The following CNTNAP2 variants were observed in gnomAD, a reference collection of about 807,000 sequenced individuals.
The protein encoded by CNTNAP2 is contactin-associated protein-like 2.
CNTNAP2 carries 98 observed loss-of-function variants against 155.2 expected under a neutral mutation model. The ratio of observed to expected loss-of-function variants is 0.63; its 90% CI spans 0.54 to 0.75. The LOEUF (loss-of-function observed/expected upper bound fraction) is 0.75, where lower values mean the gene tolerates loss of function less well. Among genes scored for constraint, CNTNAP2 ranks in the 30% least tolerant of loss-of-function variants. The pLI, the probability that CNTNAP2 is intolerant of heterozygous loss-of-function variation, is 0.00. For synonymous variants in CNTNAP2, 651 were observed against 631.2 expected, an observed-to-expected ratio of 1.03 and a Z score of -0.47; for missense variants, 1,727 against 1,688.1, an observed-to-expected ratio of 1.02 and a Z score of -0.40.
At chr7:148,109,317 A>G (rs571824447) in intron 15 of CNTNAP2, among the ~76,000 whole-genome samples, 3 of 152,270 alleles carry the variant, frequency 2.0e-5, no homozygotes, top group South Asian at 2.1e-4. Flanking sequence ...TCACCACCCA[A>G]TAAGAGATGC....
chr7:146,875,954 A>C (rs1387621463), intron 3 of CNTNAP2, among the ~76,000 whole-genome samples: 13 of 147,162 alleles, frequency 8.8e-5, no homozygotes, highest in Admixed American at 1.4e-4. Flanking sequence ...AAAAAAAAAA[A>C]AAAAAAACAA....
intron 3 of CNTNAP2, among the ~76,000 whole-genome samples, chr7:146,857,175 T>A (rs1278897140): frequency 1.3e-5 from 2 of 151,240 alleles, no homozygotes; most frequent in African/African-American, 4.9e-5. Context: ...GAAAAAATAA[T>A]GTGTGTGTTG....
In CNTNAP2 at chr7:147,537,091, A is replaced by G. The variant is rs142230366; in HGVS notation, c.1778-25047A>G. Among the ~76,000 whole-genome samples the G allele has an allele frequency of 2.4e-3, 364 of 152,300 alleles. 3 individuals are homozygous for G. Among genetic ancestry groups the G allele is most frequent in the African/African-American group, 8.3e-3 (345 of 41,566 alleles). On this transcript the variant is annotated intron_variant, in intron 11 of 23. Coordinates refer to ENST00000361727, the MANE Select transcript of CNTNAP2 (RefSeq NM_014141.6). Reference sequence around the variant, plus strand: ...TACCTCCTTTGTCTAATCTTTCACAATACACTTTAGCACGTTACAGATTCC... The same window carrying G: ...TACCTCCTTTGTCTAATCTTTCACAGTACACTTTAGCACGTTACAGATTCC...
intron 1 of CNTNAP2, among the ~76,000 whole-genome samples, chr7:146,596,581 A>G (rs1798861631): frequency 7.1e-6 from 1 of 141,492 alleles, no homozygotes; most frequent in African/African-American, 2.6e-5. Flanking sequence ...AGAAAGAGAG[A>G]GATAGAAGGG....
At chr7:146,365,603 C>T (rs1795143668) in intron 1 of CNTNAP2, among the ~76,000 whole-genome samples, 1 of 152,100 alleles carries the variant, frequency 6.6e-6, no homozygotes, top group Admixed American at 6.6e-5. Flanking sequence ...AACTACTTGT[C>T]TAGGTTTGTG....
chr7:146,231,302 T>C (rs1338126547), intron 1 of CNTNAP2, among the ~76,000 whole-genome samples: 2 of 152,188 alleles, frequency 1.3e-5, no homozygotes, highest in East Asian at 1.9e-4. Context: ...ATAGTGGTAC[T>C]CTTGGCCACA....
chr7:147,499,453 C>A (rs575808274), intron 11 of CNTNAP2, among the ~76,000 whole-genome samples: 4 of 152,012 alleles, frequency 2.6e-5, no homozygotes, highest in Admixed American at 2.6e-4. Flanking sequence ...GGCCTGAACC[C>A]GGGAGGCAGA....
chr7:147,798,850 A>G (rs1797943504), intron 13 of CNTNAP2, among the ~76,000 whole-genome samples: 1 of 152,216 alleles, frequency 6.6e-6, no homozygotes, highest in African/African-American at 2.4e-5. Context: ...CACTGAACAT[A>G]GTAACTGAGA....
At chr7:147,353,005 G>A (rs1332343943) in intron 9 of CNTNAP2, among the ~76,000 whole-genome samples, 7 of 151,000 alleles carry the variant, frequency 4.6e-5, no homozygotes, top group African/African-American at 7.3e-5. Flanking sequence ...CTTTTGAATC[G>A]TTCTCTATAG....
intron 15 of CNTNAP2, among the ~76,000 whole-genome samples, chr7:148,013,916 A>G (rs912204580): frequency 6.6e-6 from 1 of 152,202 alleles, no homozygotes; most frequent in African/African-American, 2.4e-5. Context: ...GAAACAAGGT[A>G]GAGTTAGCTG....
chr7:148,059,293 G>A (rs2116508279), intron 15 of CNTNAP2, among the ~76,000 whole-genome samples: 1 of 151,448 alleles, frequency 6.6e-6, no homozygotes, highest in South Asian at 2.1e-4. Flanking sequence ...ATCTCAAAAA[G>A]AAAACAAAAA....
intron 8 of CNTNAP2, among the ~76,000 whole-genome samples, chr7:147,251,377 A>G (rs1045643124): frequency 6.6e-6 from 1 of 151,882 alleles, no homozygotes; most frequent in Admixed American, 6.6e-5. Context: ...CTTTTTTCCT[A>G]TCTCCTTTAT....
intron 8 of CNTNAP2, among the ~76,000 whole-genome samples, chr7:147,294,219 A>G (rs528460107): frequency 6.6e-6 from 1 of 152,200 alleles, no homozygotes; most frequent in Non-Finnish European, 1.5e-5. Context: ...ACTAACTTGC[A>G]CATAAACTGT....
chr7:147,898,654 G>A (rs1799810908), intron 13 of CNTNAP2, among the ~76,000 whole-genome samples: 1 of 152,036 alleles, frequency 6.6e-6, no homozygotes, highest in Non-Finnish European at 1.5e-5. Context: ...CAAGTAGCTG[G>A]GATTACAGGC....
intron 12 of CNTNAP2, among the ~76,000 whole-genome samples, chr7:147,633,650 A>C (rs1357918457): frequency 1.3e-5 from 2 of 151,958 alleles, no homozygotes; most frequent in Non-Finnish European, 2.9e-5. Context: ...TGAATCATGG[A>C]GGCAGTTTCC....
intron 15 of CNTNAP2, among the ~76,000 whole-genome samples, chr7:148,111,718 G>A (rs1168216369): frequency 6.6e-6 from 1 of 152,172 alleles, no homozygotes; most frequent in Non-Finnish European, 1.5e-5. Context: ...TGCATATAAG[G>A]CTTCGTAAAC....
intron 8 of CNTNAP2, among the ~76,000 whole-genome samples, chr7:147,269,309 CA>C (rs1178326030): frequency 1.3e-5 from 2 of 151,968 alleles, no homozygotes; most frequent in African/African-American, 2.4e-5. Flanking sequence ...TTTCTAATTG[CA>C]AAAAACAAAG....
At chr7:148,278,961 C>T (rs573817029) in intron 21 of CNTNAP2, among the ~76,000 whole-genome samples, 21 of 152,230 alleles carry the variant, frequency 1.4e-4, no homozygotes, top group African/African-American at 2.4e-4. Context: ...GGTAGGGACA[C>T]GCCTGGCTTG....
intron 12 of CNTNAP2, among the ~76,000 whole-genome samples, chr7:147,585,777 G>GTGTGTGTGTATATATA (rs1313292212): frequency 1.3e-4 from 2 of 15,546 alleles, no homozygotes; most frequent in Non-Finnish European, 2.3e-4. Flanking sequence ...GTATATATAT[G>GTGTGTGTGTATATATA]TGTGTGTGTG....
Sources: allele counts gnomAD v4.1 joint callset (sites outside exome capture counted in the v4.1 genomes callset), GRCh38; gene constraint gnomAD v4.1.1; transcripts MANE v1.5; gene names NCBI Gene and HGNC (gene_info 2026-07-23, HGNC 2026-07-21).